ZNF804B: variants seen among roughly 807,000 people sequenced by gnomAD.
ZNF804B encodes the protein zinc finger 804B.
ZNF804B carries 80 observed loss-of-function variants against 101.4 expected under a neutral mutation model. The ratio of observed to expected loss-of-function variants is 0.79; its 90% CI spans 0.66 to 0.95. The LOEUF (loss-of-function observed/expected upper bound fraction) is 0.95, where lower values mean the gene tolerates loss of function less well. Ranked by LOEUF, ZNF804B falls within the 40% of genes least tolerant of loss-of-function variation. The probability of loss-of-function intolerance (pLI) is 0.00; values close to 1 mark genes in which losing one functional copy is unlikely to be tolerated. For missense variants in ZNF804B, 1,673 were observed against 1,561.9 expected (o/e 1.07, Z -1.20); for synonymous variants, 622 against 558.8 (o/e 1.11, Z -1.59).
At chr7:88,947,867 GGATTTTGGTATC>G (rs1310104418) in intron 1 of ZNF804B, among the ~76,000 whole-genome samples, 5 of 151,798 alleles carry the variant, frequency 3.3e-5, no homozygotes, top group African/African-American at 1.2e-4. Flanking sequence ...AAGCATCTGT[GGATTTTGGTATC>G]CACAGGGGTC....
chr7:88,898,439 C>G (rs1021203424), intron 1 of ZNF804B, among the ~76,000 whole-genome samples: 12 of 151,924 alleles, frequency 7.9e-5, no homozygotes, highest in African/African-American at 2.4e-5. Flanking sequence ...CTCGTCTTCT[C>G]TTCTGACCTC....
chr7:89,235,469 C>T (rs1330156534), intron 2 of ZNF804B, among the ~76,000 whole-genome samples: 2 of 152,170 alleles, frequency 1.3e-5, no homozygotes, highest in South Asian at 2.1e-4. Flanking sequence ...CTGAGTTACC[C>T]TCCACTTAAA....
chr7:89,305,634 T>C (rs1790550311), intron 2 of ZNF804B, among the ~76,000 whole-genome samples: 1 of 152,036 alleles, frequency 6.6e-6, no homozygotes, highest in African/African-American at 2.4e-5. Flanking sequence ...TTCCAATTTT[T>C]TATCATTATA....
At chr7:89,304,529 A>ATG (rs80210075) in intron 2 of ZNF804B, among the ~76,000 whole-genome samples, 35,351 of 150,946 alleles carry the variant, frequency 0.23, 4,379 homozygotes, top group Admixed American at 0.28. Flanking sequence ...ATGTGTGTGT[A>ATG]TGTGTGTGTG....
intron 1 of ZNF804B, among the ~76,000 whole-genome samples, chr7:89,142,678 A>G (rs746559640): frequency 6.6e-6 from 1 of 152,052 alleles, no homozygotes; most frequent in African/African-American, 2.4e-5. Context: ...TCTGGCACCC[A>G]TTCAGTGGAA....
intron 1 of ZNF804B, among the ~76,000 whole-genome samples, chr7:88,866,466 G>A (rs1791728851): frequency 6.6e-6 from 1 of 152,202 alleles, no homozygotes; most frequent in African/African-American, 2.4e-5. Flanking sequence ...GCTGCAATAT[G>A]AGTAGTGTAT....
At chr7:88,905,833 C>T (rs1249201486) in intron 1 of ZNF804B, among the ~76,000 whole-genome samples, 1 of 149,594 alleles carries the variant, frequency 6.7e-6, no homozygotes, top group Admixed American at 6.7e-5. Context: ...TTCAGTGGGA[C>T]TCGTAGCAGT....
chr7:88,873,192 G>GT (rs1464163347), intron 1 of ZNF804B, among the ~76,000 whole-genome samples: 3 of 152,136 alleles, frequency 2.0e-5, no homozygotes, highest in Non-Finnish European at 4.4e-5. Flanking sequence ...TCTCATTGTG[G>GT]TTTTGATTTG....
intron 1 of ZNF804B, among the ~76,000 whole-genome samples, chr7:88,766,619 T>C (rs892370189): frequency 1.3e-5 from 2 of 152,200 alleles, no homozygotes; most frequent in Non-Finnish European, 2.9e-5. Context: ...CAACATGATA[T>C]ACCCTTCTCT....
intron 1 of ZNF804B, among the ~76,000 whole-genome samples, chr7:89,143,461 A>T (rs1479558322): frequency 1.3e-5 from 2 of 151,940 alleles, no homozygotes. Flanking sequence ...CTAACTACCT[A>T]ACACTAACAA....
At chr7:89,163,666 CAA>C (rs34344086) in intron 1 of ZNF804B, among the ~76,000 whole-genome samples, 1 of 149,786 alleles carries the variant, frequency 6.7e-6, no homozygotes, top group Non-Finnish European at 1.5e-5. Context: ...TCACTTTTAG[CAA>C]AAAAAAATGT....
At chr7:89,141,403 A>G (rs1004457883) in intron 1 of ZNF804B, among the ~76,000 whole-genome samples, 1 of 151,998 alleles carries the variant, frequency 6.6e-6, no homozygotes, top group Non-Finnish European at 1.5e-5. Context: ...GAAGCACAAT[A>G]AAGTGTGGTA....
chr7:89,205,957 C>T (rs1311972158), intron 1 of ZNF804B, among the ~76,000 whole-genome samples: 5 of 152,230 alleles, frequency 3.3e-5, no homozygotes, highest in Non-Finnish European at 7.3e-5. Context: ...CATTTCCATA[C>T]ATCCTCTGAA....
At position 88,873,583 on chromosome 7, in the gene ZNF804B, T is replaced by G. The variant is rs1330640601; in HGVS notation, c.108+113499T>G. Among the ~76,000 whole-genome samples the G allele has an allele frequency of 3.9e-5, 6 of 152,332 alleles. No individual in the cohort carries two copies. The East Asian group carries it at 1.2e-3, about 29-fold the overall frequency. On this transcript the variant is annotated intron_variant, in intron 1 of 3. Transcript: ENST00000333190. ...GAATGGTAATGCCTAGGTTTTCTTCTAGGGTTTTTATGGTTTTAGGTTGAA... is the reference window on the plus strand; with the variant it reads ...GAATGGTAATGCCTAGGTTTTCTTCGAGGGTTTTTATGGTTTTAGGTTGAA...
At chr7:89,212,640 T>C (rs1788822943) in intron 1 of ZNF804B, among the ~76,000 whole-genome samples, 1 of 152,154 alleles carries the variant, frequency 6.6e-6, no homozygotes, top group Non-Finnish European at 1.5e-5. Context: ...GTTATGCAGA[T>C]TTAAATCTAT....
chr7:88,997,967 G>C (rs780965202), intron 1 of ZNF804B, among the ~76,000 whole-genome samples: 3 of 151,920 alleles, frequency 2.0e-5, no homozygotes, highest in Non-Finnish European at 2.9e-5. Flanking sequence ...AGTTGTTCCT[G>C]TACAGATCTT....
intron 1 of ZNF804B, among the ~76,000 whole-genome samples, chr7:88,912,580 G>A (rs970642201): frequency 6.6e-6 from 1 of 152,044 alleles, no homozygotes; most frequent in Non-Finnish European, 1.5e-5. Flanking sequence ...AAACTTTTGT[G>A]TATAGAGTGA....
chr7:88,880,131 C>G (rs1403367996), intron 1 of ZNF804B, among the ~76,000 whole-genome samples: 1 of 151,910 alleles, frequency 6.6e-6, no homozygotes, highest in Non-Finnish European at 1.5e-5. Flanking sequence ...GAATTAGTTC[C>G]CAGAGCAACT....
At chr7:89,161,712 G>T (rs937245710) in intron 1 of ZNF804B, among the ~76,000 whole-genome samples, 7 of 131,488 alleles carry the variant, frequency 5.3e-5, no homozygotes, top group African/African-American at 1.9e-4. Flanking sequence ...TTTTTGTAAA[G>T]AATTTCTTGC....
Sources: gnomAD v4.1 joint callset for allele counts (sites outside exome capture counted in the v4.1 genomes callset) on GRCh38, gnomAD v4.1.1 for gene constraint, MANE v1.5 for transcripts, NCBI Gene and HGNC (gene_info 2026-07-23, HGNC 2026-07-21) for gene names.